GMDS: variants seen among roughly 807,000 people sequenced by gnomAD.
The protein encoded by GMDS is GDP-mannose 4,6-dehydratase, also known as GDP-mannose 4,6 dehydratase.
Under a neutral mutation model 49.9 loss-of-function variants are expected in GMDS, and 20 were observed. That is an observed-to-expected ratio of 0.40 (90% CI 0.28 to 0.58). GMDS has a LOEUF of 0.58. GMDS is among the 20% of genes least tolerant of loss of function. The probability of loss-of-function intolerance (pLI) is 0.42; values close to 1 mark genes in which losing one functional copy is unlikely to be tolerated. For synonymous variants in GMDS, 177 were observed against 178.6 expected (o/e 0.99, Z 0.07); for missense variants, 362 against 481.4 (o/e 0.75, Z 2.32).
intron 7 of GMDS, among the ~76,000 whole-genome samples, chr6:1,915,171 T>C (rs896302963): frequency 6.6e-6 from 1 of 152,214 alleles, no homozygotes; most frequent in African/African-American, 2.4e-5. Context: ...CACTTGGATT[T>C]GAGGCTGAGT....
intron 4 of GMDS, among the ~76,000 whole-genome samples, chr6:1,995,530 T>A (rs1766223187): frequency 6.6e-6 from 1 of 152,114 alleles, no homozygotes; most frequent in South Asian, 2.1e-4. Flanking sequence ...ATCAACTCCA[T>A]CCGCACTAAC....
intron 7 of GMDS, among the ~76,000 whole-genome samples, chr6:1,856,750 C>T (rs753156650): frequency 1.3e-5 from 2 of 152,198 alleles, no homozygotes; most frequent in Admixed American, 6.5e-5. Context: ...CTTTAGGCTG[C>T]GTAGTTTTGA....
chr6:2,113,205 G>T (rs1176614475), intron 4 of GMDS, among the ~76,000 whole-genome samples: 1 of 152,032 alleles, frequency 6.6e-6, no homozygotes, highest in Non-Finnish European at 1.5e-5. Flanking sequence ...CTGGGCACTG[G>T]AGCCCTGGGT....
intron 9 of GMDS, among the ~76,000 whole-genome samples, chr6:1,703,606 G>A (rs927646986): frequency 6.6e-6 from 1 of 152,200 alleles, no homozygotes; most frequent in Non-Finnish European, 1.5e-5. Context: ...GGGGCAGCAC[G>A]CTGGCCACTG....
At chr6:1,724,346 G>A (rs1287651960) in intron 9 of GMDS, among the ~76,000 whole-genome samples, 3 of 152,170 alleles carry the variant, frequency 2.0e-5, no homozygotes, top group Non-Finnish European at 4.4e-5. Flanking sequence ...GGAGGGATGC[G>A]GCGTCGGTCA....
chr6:2,026,886 T>C (rs1768633799), intron 4 of GMDS, among the ~76,000 whole-genome samples: 1 of 152,188 alleles, frequency 6.6e-6, no homozygotes, highest in Non-Finnish European at 1.5e-5. Flanking sequence ...ATGAAGACCT[T>C]TGTACTAATT....
intron 7 of GMDS, among the ~76,000 whole-genome samples, chr6:1,899,351 T>C (rs1318558256): frequency 2.0e-5 from 3 of 152,176 alleles, no homozygotes; most frequent in Non-Finnish European, 4.4e-5. Flanking sequence ...TAATTAGTAA[T>C]ATCTAACTTT....
At chr6:2,056,197 C>A (rs1770767921) in intron 4 of GMDS, among the ~76,000 whole-genome samples, 1 of 152,102 alleles carries the variant, frequency 6.6e-6, no homozygotes, top group Non-Finnish European at 1.5e-5. Context: ...ACATATAACT[C>A]CTTCAATTAT....
At chr6:2,224,687 T>C (rs1341519937) in intron 1 of GMDS, among the ~76,000 whole-genome samples, 1 of 152,326 alleles carries the variant, frequency 6.6e-6, no homozygotes, top group East Asian at 1.9e-4. Flanking sequence ...CCAAGTACCT[T>C]CATAAAAACA....
intron 7 of GMDS, among the ~76,000 whole-genome samples, chr6:1,787,082 C>T (rs557955155): frequency 1.3e-5 from 2 of 152,286 alleles, no homozygotes; most frequent in South Asian, 2.1e-4. Context: ...TTAATAAAAG[C>T]GAAAGGCTAA....
chr6:2,133,576 A>C (rs2127520519), intron 1 of GMDS, among the ~76,000 whole-genome samples: 1 of 152,352 alleles, frequency 6.6e-6, no homozygotes, highest in African/African-American at 2.4e-5. Flanking sequence ...CATGATAGAA[A>C]TGTCACTTGT....
At chr6:1,942,061 T>C (rs578172847) in intron 6 of GMDS, among the ~76,000 whole-genome samples, 1 of 152,316 alleles carries the variant, frequency 6.6e-6, no homozygotes, top group East Asian at 1.9e-4. Flanking sequence ...TGCCTGGTCA[T>C]GATGACCTGC....
Position 1,975,074 on chromosome 6 carries a change from C to T in GMDS, c.346-14108G>A, listed in dbSNP as rs538381635. ...AAAACAAAACAGGGTAACCAATGGT[C>T]ACACTGCAGATGAACTCAAACTGCC... On this transcript the variant is annotated intron_variant, in intron 4 of 10. Coordinates refer to ENST00000380815, the MANE Select transcript of GMDS (RefSeq NM_001500.4). Among the ~76,000 whole-genome samples, 4 of 151,800 alleles carry T rather than the reference C, an allele frequency of 2.6e-5. No homozygotes were observed. In the East Asian group the frequency reaches 7.8e-4, roughly 30 times the overall value.
intron 4 of GMDS, among the ~76,000 whole-genome samples, chr6:2,073,015 C>T (rs918538883): frequency 3.9e-5 from 6 of 152,134 alleles, no homozygotes; most frequent in African/African-American, 1.4e-4. Context: ...GCTCAATGTC[C>T]CTTCCCTAGA....
At chr6:2,041,435 A>T (rs1175112832) in intron 4 of GMDS, among the ~76,000 whole-genome samples, 1 of 152,236 alleles carries the variant, frequency 6.6e-6, no homozygotes. Flanking sequence ...CAGACCATTT[A>T]ATTAAACTAT....
intron 7 of GMDS, among the ~76,000 whole-genome samples, chr6:1,860,670 T>C (rs748751763): frequency 6.6e-6 from 1 of 152,204 alleles, no homozygotes; most frequent in Non-Finnish European, 1.5e-5. Flanking sequence ...CCAATATATG[T>C]CTGGTGTCCA....
At position 2,193,983 on chromosome 6, in the gene GMDS, A is replaced by T. The variant is rs190363189; in HGVS notation, c.102+51338T>A. On this transcript the variant is annotated intron_variant, in intron 1 of 10. Coordinates refer to ENST00000380815, the MANE Select transcript of GMDS (RefSeq NM_001500.4). ...CATGATCCACCCGCTCGGCCTCCCA[A>T]AGTGCTGGATTACAGGCGTGAGCCA... is the stretch of plus-strand genomic sequence containing the variant. 5.6e-3 allele frequency among the ~76,000 whole-genome samples: 859 copies of T among 152,102 alleles called. 2 individuals carry two copies. The highest frequency in any genetic ancestry group is 0.017 in the Middle Eastern group (5 of 294).
chr6:1,812,152 C>A (rs568970965), intron 7 of GMDS, among the ~76,000 whole-genome samples: 1 of 152,292 alleles, frequency 6.6e-6, no homozygotes, highest in Non-Finnish European at 1.5e-5. Context: ...TGGCGCAAAA[C>A]TCACAGAGGC....
intron 1 of GMDS, among the ~76,000 whole-genome samples, chr6:2,152,887 G>A (rs1776909908): frequency 6.6e-6 from 1 of 152,040 alleles, no homozygotes; most frequent in African/African-American, 2.4e-5. Context: ...TCTAGATACA[G>A]TCCCAAATAC....
Sources: allele counts gnomAD v4.1 joint callset (sites outside exome capture counted in the v4.1 genomes callset), GRCh38; gene constraint gnomAD v4.1.1; transcripts MANE v1.5; gene names NCBI Gene and HGNC (gene_info 2026-07-23, HGNC 2026-07-21).